GNAL: variants seen among roughly 807,000 people sequenced by gnomAD.
The protein encoded by GNAL is guanine nucleotide-binding protein G(olf) subunit alpha.
In GNAL, 18 loss-of-function variants were observed where a neutral mutation model predicts 55.1. That is an observed-to-expected ratio of 0.33 (90% CI 0.23 to 0.48). The LOEUF (loss-of-function observed/expected upper bound fraction) is 0.48. Among genes scored for constraint, GNAL ranks in the 20% least tolerant of loss-of-function variants. GNAL has a pLI of 0.99. For synonymous variants in GNAL, 253 were observed against 237.0 expected, an observed-to-expected ratio of 1.07 and a Z score of -0.62; for missense variants, 412 against 614.1, an observed-to-expected ratio of 0.67 and a Z score of 3.48.
chr18:11,749,132 A>C (rs1240797612), intron 1 of GNAL, among the ~76,000 whole-genome samples: 220 of 150,860 alleles, frequency 1.5e-3, no homozygotes, highest in African/African-American at 4.2e-3. Flanking sequence ...TCTCAAAAAA[A>C]AAAAAAAAAA....
rs2032851937 is a variant in GNAL at position 11,751,934 on chromosome 18, G to A, written c.377-919G>A. 6.6e-6 allele frequency among the ~76,000 whole-genome samples: 1 copy of A among 152,192 alleles called. No individual in the cohort carries two copies. The highest frequency in any genetic ancestry group is 2.4e-5 in the African/African-American group (1 of 41,462). ...GGCAGGTGCCCATCGTCGCCCTCTG[G>A]GACCCCGGTGGCGCGCTCTGTCCTC... is the stretch of plus-strand genomic sequence containing the variant. On this transcript the variant is annotated intron_variant, in intron 1 of 11. Transcript: ENST00000334049. The surrounding 1 kb of genome is among the most constrained non-coding windows in gnomAD (Gnocchi z 4.5).
At chr18:11,717,962 TC>T (rs2032013243) in intron 1 of GNAL, among the ~76,000 whole-genome samples, 1 of 152,148 alleles carries the variant, frequency 6.6e-6, no homozygotes, top group South Asian at 2.1e-4. Context: ...AAGAAATCAG[TC>T]TTAAGCAAAC....
intron 5 of GNAL, among the ~76,000 whole-genome samples, chr18:11,838,950 C>G (rs995939612): frequency 3.9e-5 from 6 of 152,124 alleles, no homozygotes; most frequent in African/African-American, 1.2e-4. Context: ...TGGAGTTGTT[C>G]TTCTCCATGC....
chr18:11,827,506 C>CG (rs33954475), intron 5 of GNAL, among the ~76,000 whole-genome samples: 38,917 of 151,734 alleles, frequency 0.26, 6,016 homozygotes, highest in African/African-American at 0.43. Context: ...CCCAGCTACT[C>CG]GGAGGTTGAG....
intron 4 of GNAL, among the ~76,000 whole-genome samples, chr18:11,804,146 A>C (rs202192448): frequency 2.0e-5 from 2 of 100,326 alleles, no homozygotes; most frequent in South Asian, 7.1e-4. Context: ...GTACAGGTGC[A>C]GTTTGGATGG....
intron 4 of GNAL, among the ~76,000 whole-genome samples, chr18:11,754,223 T>C (rs1010608572): frequency 6.6e-6 from 1 of 152,120 alleles, no homozygotes; most frequent in Non-Finnish European, 1.5e-5. Flanking sequence ...AAGCCCAGTC[T>C]GTCCAACATG....
At chr18:11,716,344 C>T (rs1172320341) in intron 1 of GNAL, among the ~76,000 whole-genome samples, 2 of 152,242 alleles carry the variant, frequency 1.3e-5, no homozygotes, top group Non-Finnish European at 2.9e-5. Flanking sequence ...TTCGTGGTCT[C>T]ACTGGCTTCA....
intron 4 of GNAL, among the ~76,000 whole-genome samples, chr18:11,758,531 T>A (rs1330682850): frequency 1.3e-5 from 2 of 152,258 alleles, no homozygotes; most frequent in Non-Finnish European, 2.9e-5. Context: ...GGATATTTGC[T>A]GCAGAATAAT....
At chr18:11,799,571 G>A (rs1432145222) in intron 4 of GNAL, among the ~76,000 whole-genome samples, 2 of 151,946 alleles carry the variant, frequency 1.3e-5, no homozygotes, top group Non-Finnish European at 2.9e-5. Flanking sequence ...CATTCAAAAG[G>A]CTCCAAAATC....
rs2036314542 is a variant in GNAL, at chr18:11,868,390, T to C, written c.911-153T>C. On this transcript the variant is annotated intron_variant, in intron 8 of 11. Transcript: ENST00000334049. This position sits in a 1 kb window ranked among gnomAD's most constrained non-coding sequence, Gnocchi z 4.0. ...AGTGCGTTACTGAAGCAACCAGTGG[T>C]GCGCGGCGCACCTGCAGGCTGTTCT... Among the ~76,000 whole-genome samples, 1 of 152,138 alleles carries C rather than the reference T, an allele frequency of 6.6e-6. No individual in the cohort carries two copies. The highest frequency in any genetic ancestry group is 2.4e-5 in the African/African-American group (1 of 41,426).
chr18:11,861,212 G>A (rs780354166), intron 5 of GNAL, among the ~76,000 whole-genome samples: 7 of 152,094 alleles, frequency 4.6e-5, no homozygotes, highest in African/African-American at 1.4e-4. Flanking sequence ...TCCCGTCAAC[G>A]CCAGCACCAA....
At position 11,751,392 on chromosome 18, in the gene GNAL, T is replaced by C. The variant is rs529286081; in HGVS notation, c.377-1461T>C. 7.0e-4 allele frequency: 317 copies of C among 449,658 alleles called. 1 individual carries two copies. Among genetic ancestry groups the C allele is most frequent in the Middle Eastern group, 2.3e-3 (2 of 878 alleles). 27.9% of individuals were successfully genotyped at this position (449,658 alleles called of 1,614,324 possible). The stretch of plus-strand genomic sequence containing the variant: ...CTTCTGGAAGAGTTGTTGTGCTGCT[T>C]GGGAGCACTGCACAGGAGAAACGGG... On this transcript the variant is annotated intron_variant, in intron 1 of 11. Coordinates refer to ENST00000334049, the MANE Select transcript of GNAL (RefSeq NM_182978.4). The surrounding 1 kb of genome is among the most constrained non-coding windows in gnomAD (Gnocchi z 4.5).
chr18:11,738,887 G>A (rs972045762), intron 1 of GNAL, among the ~76,000 whole-genome samples: 42 of 152,156 alleles, frequency 2.8e-4, no homozygotes, highest in African/African-American at 1.0e-3. Context: ...CAGGCAGGAC[G>A]GCAGTGACCT....
At chr18:11,789,192 G>A in intron 4 of GNAL, among the ~76,000 whole-genome samples, 1 of 151,966 alleles carries the variant, frequency 6.6e-6, no homozygotes, top group East Asian at 1.9e-4. Context: ...CTCAATCACT[G>A]TCCTAAGTAA....
At chr18:11,823,497 C>T (rs564726370) in intron 4 of GNAL, among the ~76,000 whole-genome samples, 2 of 152,358 alleles carry the variant, frequency 1.3e-5, no homozygotes, top group South Asian at 2.1e-4. Flanking sequence ...GGGTACCTCA[C>T]TTCTACTCCC....
At chr18:11,863,069 G>C (rs561812390) in intron 6 of GNAL, among the ~76,000 whole-genome samples, 29 of 152,232 alleles carry the variant, frequency 1.9e-4, no homozygotes, top group Middle Eastern at 3.4e-3. Context: ...AGTGGAGACA[G>C]GGTTTTGCCA....
chr18:11,885,162 C>T lies in GNAL; in HGVS notation c.*4027C>T, dbSNP rs763196706. On this transcript the variant is annotated 3_prime_UTR_variant, in exon 12 of 12. Coordinates refer to ENST00000334049, the MANE Select transcript of GNAL (RefSeq NM_182978.4). Reference sequence around the variant, plus strand: ...AATTTGAAAATGTTAGGGTTTCCTCCACCTTTTTATGAAGTAAAAGAACCT... The same window carrying T: ...AATTTGAAAATGTTAGGGTTTCCTCTACCTTTTTATGAAGTAAAAGAACCT... The T allele has an allele frequency of 6.5e-6, 5 of 770,218 alleles. No homozygotes were observed. The highest frequency in any genetic ancestry group is 8.8e-6 in the Non-Finnish European group (5 of 568,712). The allele number at this position is 770,218 out of a possible 1,614,324, so 47.7% of individuals were successfully genotyped here.
intron 1 of GNAL, among the ~76,000 whole-genome samples, chr18:11,707,633 A>C (rs2031743817): frequency 6.6e-6 from 1 of 152,226 alleles, no homozygotes; most frequent in Admixed American, 6.5e-5. Flanking sequence ...ATTAGCACCT[A>C]ACAAGAAGTC....
chr18:11,721,782 G>C (rs148496493), intron 1 of GNAL, among the ~76,000 whole-genome samples: 1,834 of 151,912 alleles, frequency 0.012, 22 homozygotes, highest in African/African-American at 0.042. Context: ...CCCGACATCA[G>C]GTGATCTGCC....
Sources: allele counts gnomAD v4.1 joint callset (sites outside exome capture counted in the v4.1 genomes callset), GRCh38; gene constraint gnomAD v4.1.1; non-coding constraint Gnocchi (gnomAD v3.1); transcripts MANE v1.5; gene names NCBI Gene and HGNC (gene_info 2026-07-23, HGNC 2026-07-21).